MB: variants seen among roughly 807,000 people sequenced by gnomAD.
MB encodes the protein nitrite reductase MB.
MB carries 10 observed loss-of-function variants against 14.5 expected under a neutral mutation model. The ratio of observed to expected loss-of-function variants is 0.69; its 90% CI spans 0.43 to 1.17. The LOEUF (loss-of-function observed/expected upper bound fraction) is 1.17, where lower values mean the gene tolerates loss of function less well. Among genes scored for constraint, MB ranks in the 50% most tolerant of loss-of-function variants. The probability of loss-of-function intolerance (pLI) is 0.00; values close to 1 mark genes in which losing one functional copy is unlikely to be tolerated. For missense variants in MB, 169 were observed against 192.7 expected (o/e 0.88, Z 0.73); for synonymous variants, 89 against 78.6 (o/e 1.13, Z -0.70).
intron 1 of MB, among the ~76,000 whole-genome samples, chr22:35,613,429 G>A (rs1190213924): frequency 6.6e-6 from 1 of 152,132 alleles, no homozygotes; most frequent in Non-Finnish European, 1.5e-5. Flanking sequence ...AAACCAAAAG[G>A]GTCTAGACCC....
chr22:35,614,361 G>A (rs1355791082), intron 1 of MB, among the ~76,000 whole-genome samples: 1 of 152,106 alleles, frequency 6.6e-6, no homozygotes, highest in East Asian at 1.9e-4. Flanking sequence ...GCCAAGGCGG[G>A]CAGATCACCT....
upstream of MB, among the ~76,000 whole-genome samples, chr22:35,621,782 A>T (rs1472699983): frequency 1.3e-5 from 2 of 152,168 alleles, no homozygotes; most frequent in Non-Finnish European, 2.9e-5. Context: ...CTCACCCAAG[A>T]CTTTTCTTGT....
At chr22:35,623,126 G>A (rs1158158515) in intron 1 of MB, 1 of 152,342 alleles carries the variant, frequency 6.6e-6, no homozygotes, top group Non-Finnish European at 1.5e-5. Context: ...TTTTGCAGGA[G>A]ACACTTTTAC....
chr22:35,612,597 C>T (rs1041422116), intron 1 of MB, among the ~76,000 whole-genome samples: 2 of 152,138 alleles, frequency 1.3e-5, no homozygotes, highest in East Asian at 3.9e-4. Flanking sequence ...GCTGGGATTA[C>T]AGGCGCCCAG....
chr22:35,608,104 G>T lies in MB; in HGVS notation c.319-661C>A, dbSNP rs898214334. Among the ~76,000 whole-genome samples the T allele has an allele frequency of 6.6e-6, 1 of 152,166 alleles. No individual in the cohort carries two copies. Among genetic ancestry groups the T allele is most frequent in the Non-Finnish European group, 1.5e-5 (1 of 68,032 alleles). On this transcript the variant is annotated intron_variant, in intron 2 of 2. Transcript: ENST00000397326. The surrounding 1 kb of genome is among the most constrained non-coding windows in gnomAD (Gnocchi z 4.3). Reference sequence around the variant, plus strand: ...AATGTCTGCTATCAGCCTCAGCATTGCCATTTGCTTTAGTACCCACAGTCT... The same window carrying T: ...AATGTCTGCTATCAGCCTCAGCATTTCCATTTGCTTTAGTACCCACAGTCT...
At position 35,611,112 on chromosome 22, in the gene MB, G is replaced by C; in HGVS notation, c.96-6C>G. ...CTGGGTGACCCTTAAAGAGCCTGTG[G>C]GCACAGGGAAGGCTGGAGTCGGCAT... is the stretch of plus-strand genomic sequence containing the variant. On this transcript the variant is annotated splice_polypyrimidine_tract_variant and splice_region_variant and intron_variant, in intron 1 of 2. Coordinates refer to ENST00000397326, the MANE Select transcript of MB (RefSeq NM_005368.3). 6.2e-7 allele frequency: 1 copy of C among 1,611,338 alleles called. No homozygotes were observed. The highest frequency in any genetic ancestry group is 1.1e-5 in the South Asian group (1 of 90,958).
In MB at chr22:35,607,193, CA is replaced by C; in HGVS notation, c.*103del. 7.3e-7 allele frequency: 1 copy of C among 1,369,876 alleles called. No individual in the cohort carries two copies. The highest frequency in any genetic ancestry group is 9.8e-7 in the Non-Finnish European group (1 of 1,016,916). The allele number at this position is 1,369,876 out of a possible 1,614,324, so 84.9% of individuals were successfully genotyped here. Reference sequence around the variant, plus strand: ...GCTCCTCCTGCCCACCTCTACTAAACAAAGCAGACACTCAGAAGCAAACTCT... The same window carrying C: ...GCTCCTCCTGCCCACCTCTACTAAACAAGCAGACACTCAGAAGCAAACTCT... On this transcript the variant is annotated 3_prime_UTR_variant, in exon 3 of 3. Coordinates refer to ENST00000397326, the MANE Select transcript of MB (RefSeq NM_005368.3).
intron 1 of MB, among the ~76,000 whole-genome samples, chr22:35,614,183 C>T (rs1922880579): frequency 6.6e-6 from 1 of 152,210 alleles, no homozygotes; most frequent in African/African-American, 2.4e-5. Flanking sequence ...ACATGGAGCA[C>T]ATTGTCAGAT....
chr22:35,612,830 AT>A (rs1922744267), intron 1 of MB, among the ~76,000 whole-genome samples: 1 of 152,188 alleles, frequency 6.6e-6, no homozygotes, highest in Admixed American at 6.5e-5. Flanking sequence ...GTGTACATGC[AT>A]GCAGGCTCTC....
chr22:35,619,678 G>T (rs1923339658), upstream of MB, among the ~76,000 whole-genome samples: 1 of 152,234 alleles, frequency 6.6e-6, no homozygotes, highest in Non-Finnish European at 1.5e-5. Flanking sequence ...GTAAGAATTG[G>T]ACAAATAATA....
rs1922372704 is a variant in MB at position 35,609,000 on chromosome 22, C to T, written c.319-1557G>A. On this transcript the variant is annotated intron_variant, in intron 2 of 2. Coordinates refer to ENST00000397326, the MANE Select transcript of MB (RefSeq NM_005368.3). This position sits in a 1 kb window ranked among gnomAD's most constrained non-coding sequence, Gnocchi z 4.3. ...ATCTGGGCTCTGTCTCAATTTTTTG[C>T]AGAGGTTATGCATCAGATTAAGCAT... Among the ~76,000 whole-genome samples the T allele has an allele frequency of 6.6e-6, 1 of 152,134 alleles. No homozygotes were observed. Among genetic ancestry groups the T allele is most frequent in the Non-Finnish European group, 1.5e-5 (1 of 68,024 alleles).
chr22:35,612,367 G>A (rs967177795), intron 1 of MB, among the ~76,000 whole-genome samples: 2 of 152,176 alleles, frequency 1.3e-5, no homozygotes, highest in East Asian at 1.9e-4. Context: ...AGGATGCTGA[G>A]CTCCTCAACC....
chr22:35,612,013 G>A (rs1290678840), intron 1 of MB, among the ~76,000 whole-genome samples: 1 of 152,154 alleles, frequency 6.6e-6, no homozygotes, highest in African/African-American at 2.4e-5. Context: ...ACAGAGATAA[G>A]TGGCCAAGGT....
chr22:35,616,590 T>C (rs1168778283), intron 1 of MB, among the ~76,000 whole-genome samples: 1 of 152,158 alleles, frequency 6.6e-6, no homozygotes, highest in Non-Finnish European at 1.5e-5. Flanking sequence ...TTTATTTAAT[T>C]CTCACATCTC....
upstream of MB, among the ~76,000 whole-genome samples, chr22:35,619,915 C>A (rs990662947): frequency 2.6e-5 from 4 of 152,182 alleles, no homozygotes; most frequent in African/African-American, 9.7e-5. Flanking sequence ...TCAGAGGCAC[C>A]GGCTGCACCT....
chr22:35,620,697 G>A (rs965512469), upstream of MB, among the ~76,000 whole-genome samples: 8 of 152,190 alleles, frequency 5.3e-5, no homozygotes, highest in Admixed American at 3.3e-4. Flanking sequence ...CGCAATGTGC[G>A]GTTTTCAAAT....
At chr22:35,621,664 C>T (rs887239440), upstream of MB, among the ~76,000 whole-genome samples, 1 of 152,136 alleles carries the variant, frequency 6.6e-6, no homozygotes, top group African/African-American at 2.4e-5. Context: ...TTTTTTATGT[C>T]GAACCAAAAG....
intron 1 of MB, among the ~76,000 whole-genome samples, chr22:35,615,159 A>G (rs1308491844): frequency 6.6e-6 from 1 of 152,222 alleles, no homozygotes; most frequent in African/African-American, 2.4e-5. Flanking sequence ...GATTGGAGAC[A>G]TAACCTTTCA....
At chr22:35,609,818 G>A (rs142048154) in intron 2 of MB, among the ~76,000 whole-genome samples, 8 of 152,154 alleles carry the variant, frequency 5.3e-5, no homozygotes, top group African/African-American at 1.9e-4. Flanking sequence ...CCAGCTTCCC[G>A]TGCAGACAGG....
Sources: allele counts gnomAD v4.1 joint callset (sites outside exome capture counted in the v4.1 genomes callset), GRCh38; gene constraint gnomAD v4.1.1; non-coding constraint Gnocchi (gnomAD v3.1); transcripts MANE v1.5; gene names NCBI Gene and HGNC (gene_info 2026-07-23, HGNC 2026-07-21).